CAMTA1: variants seen among roughly 807,000 people sequenced by gnomAD.
CAMTA1 encodes the protein calmodulin binding transcription activator 1, also known as calmodulin-binding transcription activator 1.
Under a neutral mutation model 170.9 loss-of-function variants are expected in CAMTA1, and 27 were observed. The observed-to-expected ratio is 0.16, with a 90% confidence interval of 0.12 to 0.22. The LOEUF is 0.22. Among genes scored for constraint, CAMTA1 ranks in the 10% least tolerant of loss-of-function variants. The pLI, the probability that CAMTA1 is intolerant of heterozygous loss-of-function variation, is 1.00. For synonymous variants in CAMTA1, 833 were observed against 891.5 expected (o/e 0.93, Z 1.17); for missense variants, 1,619 against 2,217.2 (o/e 0.73, Z 5.42).
chr1:7,657,789 G>A (rs936920255), intron 7 of CAMTA1, among the ~76,000 whole-genome samples: 1 of 152,196 alleles, frequency 6.6e-6, no homozygotes, highest in East Asian at 1.9e-4. Flanking sequence ...CCAGAGCAAG[G>A]AGGGAGACAA....
At chr1:7,317,238 G>A (rs1292223514) in intron 5 of CAMTA1, among the ~76,000 whole-genome samples, 1 of 152,196 alleles carries the variant, frequency 6.6e-6, no homozygotes, top group Non-Finnish European at 1.5e-5. Flanking sequence ...GTGGTCCTGG[G>A]ACAGCCCACC....
intron 4 of CAMTA1, among the ~76,000 whole-genome samples, chr1:7,243,363 C>T (rs1665226766): frequency 6.6e-6 from 1 of 152,148 alleles, no homozygotes; most frequent in Non-Finnish European, 1.5e-5. Context: ...GGTTTTAGGT[C>T]TAACATATAA....
chr1:6,914,308 C>T (rs530188086), intron 3 of CAMTA1, among the ~76,000 whole-genome samples: 2 of 152,098 alleles, frequency 1.3e-5, no homozygotes, highest in Non-Finnish European at 1.5e-5. Flanking sequence ...TTCACCATGT[C>T]GGCCAGGCTG....
intron 6 of CAMTA1, among the ~76,000 whole-genome samples, chr1:7,492,266 G>C (rs1750849): frequency 0.36 from 54,155 of 152,016 alleles, 10,394 homozygotes; most frequent in Middle Eastern, 0.51. Flanking sequence ...TCTCAGTGAA[G>C]AGGATAAAAG....
intron 3 of CAMTA1, among the ~76,000 whole-genome samples, chr1:6,995,197 C>T (rs1697006617): frequency 6.6e-6 from 1 of 151,320 alleles, no homozygotes; most frequent in Non-Finnish European, 1.5e-5. Flanking sequence ...TTATCGGTGC[C>T]AGCACTATTG....
At chr1:7,558,030 C>T (rs1214539085) in intron 6 of CAMTA1, among the ~76,000 whole-genome samples, 1 of 152,162 alleles carries the variant, frequency 6.6e-6, no homozygotes, top group Non-Finnish European at 1.5e-5. Context: ...TCTGCCATTC[C>T]CGGCATCCTG....
At chr1:7,053,002 T>G (rs4376764) in intron 3 of CAMTA1, among the ~76,000 whole-genome samples, 93,672 of 152,092 alleles carry the variant, frequency 0.62, 29,465 homozygotes, top group Non-Finnish European at 0.69. Context: ...TGCCCTGGCT[T>G]CCCCCTGCCA....
intron 6 of CAMTA1, among the ~76,000 whole-genome samples, chr1:7,484,744 G>A (rs868774085): frequency 1.4e-4 from 21 of 152,000 alleles, no homozygotes; most frequent in South Asian, 6.2e-4. Context: ...AGCTGAGATC[G>A]CACCACTGCA....
chr1:7,367,887 T>C (rs901319379), intron 5 of CAMTA1, among the ~76,000 whole-genome samples: 7 of 151,016 alleles, frequency 4.6e-5, no homozygotes, highest in African/African-American at 1.7e-4. Context: ...CACTGGGCAC[T>C]CATGGTTTCG....
At chr1:6,951,633 C>T (rs553828684) in intron 3 of CAMTA1, among the ~76,000 whole-genome samples, 16 of 152,322 alleles carry the variant, frequency 1.1e-4, no homozygotes, top group African/African-American at 3.1e-4. Context: ...CCAGTCTCCT[C>T]CTGGGTTCCA....
chr1:6,897,174 C>A (rs921943648), intron 3 of CAMTA1, among the ~76,000 whole-genome samples: 2 of 152,170 alleles, frequency 1.3e-5, no homozygotes, highest in Middle Eastern at 3.2e-3. Context: ...TAGGAGGGAA[C>A]AAACAGGTTG....
intron 6 of CAMTA1, among the ~76,000 whole-genome samples, chr1:7,577,294 G>T (rs1490044226): frequency 6.1e-5 from 6 of 98,640 alleles, no homozygotes; most frequent in Admixed American, 5.4e-4. Context: ...TGCCATCACT[G>T]AAAAGGGCCC....
Position 7,112,861 on chromosome 1 carries a change from T to C in CAMTA1, c.302+21490T>C, listed in dbSNP as rs372856109. 7.2e-5 allele frequency among the ~76,000 whole-genome samples: 11 copies of C among 152,334 alleles called. No homozygotes were observed. In the East Asian group the frequency reaches 7.7e-4, roughly 11 times the overall value. On this transcript the variant is annotated intron_variant, in intron 4 of 22. Transcript: ENST00000303635. The stretch of plus-strand genomic sequence containing the variant: ...CGGGCCATTTGTTTGTTTCTTCCAC[T>C]TTCCAGATCTCACTTCCTTGCGCGG...
intron 3 of CAMTA1, among the ~76,000 whole-genome samples, chr1:7,013,683 G>A (rs1700141023): frequency 6.6e-6 from 1 of 152,158 alleles, no homozygotes; most frequent in African/African-American, 2.4e-5. Flanking sequence ...TTGAACTTTG[G>A]AGTGCTGGAC....
At chr1:7,052,431 T>A (rs1045358242) in intron 3 of CAMTA1, among the ~76,000 whole-genome samples, 2 of 152,144 alleles carry the variant, frequency 1.3e-5, no homozygotes, top group Admixed American at 6.5e-5. Flanking sequence ...TCAGACTACC[T>A]GGCCTTCTCT....
intron 6 of CAMTA1, among the ~76,000 whole-genome samples, chr1:7,574,243 G>A (rs999863560): frequency 6.6e-6 from 1 of 152,146 alleles, no homozygotes; most frequent in African/African-American, 2.4e-5. Flanking sequence ...GCTGGGAGCT[G>A]CGAGCTGGTC....
intron 5 of CAMTA1, among the ~76,000 whole-genome samples, chr1:7,326,414 G>A (rs2082680232): frequency 2.0e-5 from 3 of 152,218 alleles, no homozygotes; most frequent in Non-Finnish European, 4.4e-5. Flanking sequence ...ACATATGCAA[G>A]TCCTAAGTCC....
chr1:7,197,678 A>ACACACAC (rs57819326), intron 4 of CAMTA1, among the ~76,000 whole-genome samples: 11 of 139,130 alleles, frequency 7.9e-5, no homozygotes, highest in Non-Finnish European at 1.4e-4. Context: ...ACACACACAC[A>ACACACAC]ATCTACTTGC....
intron 7 of CAMTA1, among the ~76,000 whole-genome samples, chr1:7,654,855 C>G (rs1165715474): frequency 7.0e-6 from 1 of 142,222 alleles, no homozygotes; most frequent in Non-Finnish European, 1.5e-5. Flanking sequence ...CCCACCTGTA[C>G]ACATACCCAC....
Sources: allele counts gnomAD v4.1 joint callset (sites outside exome capture counted in the v4.1 genomes callset), GRCh38; gene constraint gnomAD v4.1.1; transcripts MANE v1.5; gene names NCBI Gene and HGNC (gene_info 2026-07-23, HGNC 2026-07-21).